The following RSU1 variants were observed in gnomAD, a reference collection of about 807,000 sequenced individuals.
The protein encoded by RSU1 is rsu-1.
A neutral mutation model predicts 31.1 loss-of-function variants in RSU1; 26 were observed. The ratio of observed to expected loss-of-function variants is 0.84; its 90% CI spans 0.61 to 1.16. The LOEUF (loss-of-function observed/expected upper bound fraction) is 1.16. RSU1 is among the 50% of genes most tolerant of loss of function. The pLI is 0.00. For synonymous variants in RSU1, 164 were observed against 136.3 expected, an observed-to-expected ratio of 1.20 and a Z score of -1.41; for missense variants, 320 against 339.1, an observed-to-expected ratio of 0.94 and a Z score of 0.44.
At chr10:16,733,013 G>C (rs1227304868) in intron 7 of RSU1, among the ~76,000 whole-genome samples, 7 of 152,124 alleles carry the variant, frequency 4.6e-5, no homozygotes, top group African/African-American at 1.7e-4. Flanking sequence ...TGGGAAAAAA[G>C]TAACTCCAGC....
chr10:16,683,538 G>A (rs1156895294), intron 8 of RSU1, among the ~76,000 whole-genome samples: 4 of 152,172 alleles, frequency 2.6e-5, no homozygotes, highest in African/African-American at 2.4e-5. Context: ...TTTATATGGA[G>A]ACTGAGTAAA....
Position 16,785,499 on chromosome 10 carries a change from T to C in RSU1, c.110-3415A>G, listed in dbSNP as rs142180323. ...ATATATACATATATACATATATATA[T>C]ACACATATATACATATATATATATA... On this transcript the variant is annotated intron_variant, in intron 2 of 8. Coordinates refer to ENST00000345264, the MANE Select transcript of RSU1 (RefSeq NM_012425.4). 1.9e-3 allele frequency among the ~76,000 whole-genome samples: 239 copies of C among 123,032 alleles called. 5 individuals carry two copies. Among genetic ancestry groups the C allele is most frequent in the African/African-American group, 6.9e-3 (187 of 27,268 alleles). The allele number at this position is 123,032 out of a possible 152,430, so 80.7% of individuals were successfully genotyped here.
intron 8 of RSU1, among the ~76,000 whole-genome samples, chr10:16,615,355 C>T (rs1833957615): frequency 6.6e-6 from 1 of 151,938 alleles, no homozygotes; most frequent in Admixed American, 6.6e-5. Context: ...ATAAATGCAC[C>T]CAATACAGGA....
At chr10:16,605,352 C>G (rs960694314) in intron 8 of RSU1, among the ~76,000 whole-genome samples, 1 of 152,150 alleles carries the variant, frequency 6.6e-6, no homozygotes, top group Non-Finnish European at 1.5e-5. Context: ...TCCTAGAGCA[C>G]CAGAACCTTA....
Position 16,619,182 on chromosome 10 carries a change from C to T in RSU1, c.732-25686G>A, listed in dbSNP as rs551627907. On this transcript the variant is annotated intron_variant, in intron 8 of 8. Coordinates refer to ENST00000345264, the MANE Select transcript of RSU1 (RefSeq NM_012425.4). ...AATGAATGGCAAGACAGATGGAAGC[C>T]TGCTTCAGAAAAATATTACTTGATA... Among the ~76,000 whole-genome samples, 67 of 152,332 alleles carry T rather than the reference C, an allele frequency of 4.4e-4. No individual in the cohort carries two copies. In the Middle Eastern group the frequency reaches 0.01, roughly 23 times the overall value.
Position 16,590,964 on chromosome 10 carries a change from T to C in RSU1, c.*2430A>G, listed in dbSNP as rs1165916565. ...TCTTGCTCTGTCGCCCAGGCTGGAG[T>C]GCGGTGGCTTAATCTCAGCTCAGTG... On this transcript the variant is annotated 3_prime_UTR_variant, in exon 9 of 9. Coordinates refer to ENST00000345264, the MANE Select transcript of RSU1 (RefSeq NM_012425.4). The C allele has an allele frequency of 6.6e-6, 1 of 152,124 alleles. No homozygotes were observed. The highest frequency in any genetic ancestry group is 1.5e-5 in the Non-Finnish European group (1 of 68,020). The allele number at this position is 152,124 out of a possible 1,614,324, so 9.4% of individuals were successfully genotyped here. A position where few individuals can be genotyped will look rare whatever the true frequency, so the allele number is the denominator to read the frequency against.
At chr10:16,641,003 G>T (rs533432323) in intron 8 of RSU1, among the ~76,000 whole-genome samples, 173 of 152,276 alleles carry the variant, frequency 1.1e-3, no homozygotes, top group African/African-American at 3.9e-3. Context: ...TTCCCACCAT[G>T]GCCACCATTA....
At chr10:16,673,339 C>A (rs554242280) in intron 8 of RSU1, among the ~76,000 whole-genome samples, 1 of 152,326 alleles carries the variant, frequency 6.6e-6, no homozygotes, top group South Asian at 2.1e-4. Context: ...CCAACATGAA[C>A]AGAGCAGCTA....
chr10:16,671,244 T>C (rs1380725891), intron 8 of RSU1, among the ~76,000 whole-genome samples: 1 of 152,144 alleles, frequency 6.6e-6, no homozygotes, highest in African/African-American at 2.4e-5. Context: ...GGTCACACTA[T>C]GTTGTCCAGG....
In RSU1 at chr10:16,773,487, A is replaced by G. The variant is rs117226559; in HGVS notation, c.160+8547T>C. Among the ~76,000 whole-genome samples, 825 of 152,304 alleles carry G rather than the reference A, an allele frequency of 5.4e-3. 4 individuals are homozygous for G. The highest frequency in any genetic ancestry group is 8.6e-3 in the Non-Finnish European group (582 of 68,028). On this transcript the variant is annotated intron_variant, in intron 3 of 8. Coordinates refer to ENST00000345264, the MANE Select transcript of RSU1 (RefSeq NM_012425.4). ...CCAGAGCCACAGGAACGCTTCGTCC[A>G]TGGAGCTCCTACACTGACCTAACGG...
At chr10:16,648,018 G>A (rs760625714) in intron 8 of RSU1, among the ~76,000 whole-genome samples, 3 of 151,750 alleles carry the variant, frequency 2.0e-5, no homozygotes, top group Non-Finnish European at 4.4e-5. Flanking sequence ...GCCTGCTCAG[G>A]GCTCACTGCA....
intron 3 of RSU1, among the ~76,000 whole-genome samples, chr10:16,770,609 G>A (rs1837405716): frequency 6.6e-6 from 1 of 152,232 alleles, no homozygotes; most frequent in African/African-American, 2.4e-5. Context: ...CTGGCCCAGG[G>A]CATGAAAGCC....
chr10:16,685,631 G>A (rs914684932), intron 8 of RSU1, among the ~76,000 whole-genome samples: 2 of 152,128 alleles, frequency 1.3e-5, no homozygotes, highest in Non-Finnish European at 2.9e-5. Flanking sequence ...TACTCTCATC[G>A]CCATCTTGGT....
chr10:16,595,807 A>T (rs1472182880), intron 8 of RSU1, among the ~76,000 whole-genome samples: 2 of 152,002 alleles, frequency 1.3e-5, no homozygotes, highest in Non-Finnish European at 2.9e-5. Flanking sequence ...TCTCTACTAA[A>T]AAAAAGAAAA....
chr10:16,709,384 C>T (rs1835971664), intron 7 of RSU1, among the ~76,000 whole-genome samples: 1 of 152,148 alleles, frequency 6.6e-6, no homozygotes, highest in Non-Finnish European at 1.5e-5. Flanking sequence ...TTTTCTTAAT[C>T]CAGTCTATCA....
chr10:16,659,902 G>A (rs1473425883), intron 8 of RSU1, among the ~76,000 whole-genome samples: 1 of 152,142 alleles, frequency 6.6e-6, no homozygotes, highest in East Asian at 1.9e-4. Flanking sequence ...TGTATCAGAG[G>A]ATTCCAATGT....
At chr10:16,746,760 A>G (rs192979627) in intron 7 of RSU1, among the ~76,000 whole-genome samples, 5 of 149,556 alleles carry the variant, frequency 3.3e-5, no homozygotes, top group Non-Finnish European at 7.4e-5. Flanking sequence ...CTACCAACGC[A>G]GGATTTTTAT....
intron 3 of RSU1, among the ~76,000 whole-genome samples, chr10:16,778,389 C>T (rs1193566681): frequency 6.6e-6 from 1 of 152,204 alleles, no homozygotes; most frequent in Non-Finnish European, 1.5e-5. Flanking sequence ...TTCCTCTCTG[C>T]CCTTCCCTGT....
At chr10:16,604,255 T>C (rs1023877016) in intron 8 of RSU1, among the ~76,000 whole-genome samples, 4 of 152,096 alleles carry the variant, frequency 2.6e-5, no homozygotes, top group Non-Finnish European at 5.9e-5. Flanking sequence ...ACATGAAAAG[T>C]CACCCAAAAT....
Sources: allele counts gnomAD v4.1 joint callset (sites outside exome capture counted in the v4.1 genomes callset), GRCh38; gene constraint gnomAD v4.1.1; transcripts MANE v1.5; gene names NCBI Gene and HGNC (gene_info 2026-07-23, HGNC 2026-07-21).